ZFHX3: variants seen among roughly 807,000 people sequenced by gnomAD.
ZFHX3 encodes zinc finger homeobox 3, also known as zinc finger homeobox protein 3.
A neutral mutation model predicts 279.1 loss-of-function variants in ZFHX3; 42 were observed. The observed-to-expected ratio is 0.15, with a 90% confidence interval of 0.12 to 0.19. ZFHX3 has a LOEUF of 0.19. Among genes scored for constraint, ZFHX3 ranks in the 10% least tolerant of loss-of-function variants. The pLI, the probability that ZFHX3 is intolerant of heterozygous loss-of-function variation, is 1.00. For synonymous variants in ZFHX3, 2,293 were observed against 1,957.8 expected (o/e 1.17, Z -4.52); for missense variants, 4,981 against 4,754.0 (o/e 1.05, Z -1.40).
chr16:73,234,801 G>T (rs1225048596), intron 5 of ZFHX3, among the ~76,000 whole-genome samples: 1 of 152,226 alleles, frequency 6.6e-6, no homozygotes, highest in East Asian at 1.9e-4. Flanking sequence ...GTTGGGGTAG[G>T]AAGTGTCTTC....
chr16:73,381,158 C>T (rs979573115), intron 3 of ZFHX3, among the ~76,000 whole-genome samples: 4 of 152,002 alleles, frequency 2.6e-5, no homozygotes, highest in African/African-American at 9.7e-5. Flanking sequence ...TATTGAAAGA[C>T]CCCCCAAACA....
At chr16:73,602,819 C>A (rs977381124) in intron 2 of ZFHX3, among the ~76,000 whole-genome samples, 6 of 147,622 alleles carry the variant, frequency 4.1e-5, no homozygotes, top group Admixed American at 2.7e-4. Flanking sequence ...TGGTAGCGGG[C>A]ACCTGTAATC....
intron 5 of ZFHX3, among the ~76,000 whole-genome samples, chr16:73,236,149 G>A (rs779488162): frequency 1.3e-5 from 2 of 152,130 alleles, no homozygotes; most frequent in African/African-American, 4.8e-5. Context: ...GCAAGGACAC[G>A]GCATACGTCA....
chr16:72,881,760 G>A (rs1024308921), intron 4 of ZFHX3, among the ~76,000 whole-genome samples: 16 of 152,006 alleles, frequency 1.1e-4, no homozygotes, highest in East Asian at 7.7e-4. Context: ...CTACACTGTC[G>A]GCTTTAGGAG....
chr16:73,847,533 T>C (rs1324472758), intron 1 of ZFHX3, among the ~76,000 whole-genome samples: 3 of 152,144 alleles, frequency 2.0e-5, no homozygotes. Flanking sequence ...GCGTCAATTA[T>C]AATAACTAGA....
chr16:73,420,833 A>T (rs1046199993), intron 3 of ZFHX3: 1 of 152,154 alleles, frequency 6.6e-6, no homozygotes, highest in African/African-American at 2.4e-5. Flanking sequence ...GTTGTCTATG[A>T]CTCAAATTAC....
At chr16:73,394,946 C>A (rs1278677704) in intron 3 of ZFHX3, among the ~76,000 whole-genome samples, 1 of 152,196 alleles carries the variant, frequency 6.6e-6, no homozygotes, top group Non-Finnish European at 1.5e-5. Flanking sequence ...AAAGCCAGGA[C>A]TTGAACCCAG....
In ZFHX3 at chr16:72,793,229, A is replaced by C; in HGVS notation, c.9427+26T>G. 1.9e-6 allele frequency: 3 copies of C among 1,578,800 alleles called. No individual in the cohort carries two copies. Among genetic ancestry groups the C allele is most frequent in the South Asian group, 1.2e-5 (1 of 84,650 alleles). The stretch of plus-strand genomic sequence containing the variant: ...CTGACTGGGCAGCTATTTAGCCCTG[A>C]AACAATCGCCTAGAGCAGAACCCAC... On this transcript the variant is annotated intron_variant, in intron 9 of 9. Transcript: ENST00000268489. The surrounding 1 kb of genome is among the most constrained non-coding windows in gnomAD (Gnocchi z 4.3).
At chr16:73,674,983 A>G (rs1216496640) in intron 2 of ZFHX3, among the ~76,000 whole-genome samples, 1 of 152,134 alleles carries the variant, frequency 6.6e-6, no homozygotes, top group African/African-American at 2.4e-5. Context: ...ATAAGCTGCT[A>G]CATTTGGTGG....
At chr16:73,391,294 G>A (rs550193807) in intron 3 of ZFHX3, among the ~76,000 whole-genome samples, 32 of 152,094 alleles carry the variant, frequency 2.1e-4, no homozygotes, top group Non-Finnish European at 1.0e-4. Context: ...GAAACCCCGT[G>A]TCTACTAAAA....
chr16:73,110,517 A>G (rs1230822742), intron 7 of ZFHX3, among the ~76,000 whole-genome samples: 1 of 152,060 alleles, frequency 6.6e-6, no homozygotes, highest in Non-Finnish European at 1.5e-5. Context: ...TACAAAAAAC[A>G]CTCCTAAAAT....
At chr16:73,830,791 GA>G (rs756328047) in intron 1 of ZFHX3, among the ~76,000 whole-genome samples, 1 of 152,116 alleles carries the variant, frequency 6.6e-6, no homozygotes, top group Non-Finnish European at 1.5e-5. Context: ...CCAAATCCTG[GA>G]TGCCAAATTT....
intron 1 of ZFHX3, among the ~76,000 whole-genome samples, chr16:72,981,645 T>C (rs1458471430): frequency 6.6e-6 from 1 of 152,124 alleles, no homozygotes; most frequent in African/African-American, 2.4e-5. Flanking sequence ...AACGGCCCAG[T>C]GGTAAGTGGG....
At chr16:73,506,638 C>G (rs779131751) in intron 2 of ZFHX3, among the ~76,000 whole-genome samples, 1 of 152,154 alleles carries the variant, frequency 6.6e-6, no homozygotes, top group African/African-American at 2.4e-5. Flanking sequence ...CTTAGTTAAG[C>G]CTTCACCACA....
intron 5 of ZFHX3, among the ~76,000 whole-genome samples, chr16:73,180,924 AAGTGCTGGGATTACAGG>A (rs1205794685): frequency 2.0e-5 from 3 of 152,230 alleles, no homozygotes; most frequent in Admixed American, 6.5e-5. Context: ...TGGCCGCCCA[AAGTGCTGGGATTACAGG>A]CGTGAGCCAC....
In ZFHX3 at chr16:73,483,305, G is replaced by T. The variant is rs2018905372; in HGVS notation, c.-1546-27047C>A. 1.0e-4 allele frequency: 45 copies of T among 446,562 alleles called. 1 individual carries two copies. The highest frequency in any genetic ancestry group is 6.3e-4 in the South Asian group (40 of 63,642). The allele number at this position is 446,562 out of a possible 1,614,324, so 27.7% of individuals were successfully genotyped here. A position where few individuals can be genotyped will look rare whatever the true frequency, so the allele number is the denominator to read the frequency against. On this transcript the variant is annotated intron_variant, in intron 2 of 17. Transcript: ENST00000641206. ...ACACGTGCACGGAGCCTCCGAGAGAGAGCGAGAGACCAAGAGCGAGCGAGT... is the reference window on the plus strand; with the variant it reads ...ACACGTGCACGGAGCCTCCGAGAGATAGCGAGAGACCAAGAGCGAGCGAGT...
intron 8 of ZFHX3, among the ~76,000 whole-genome samples, chr16:73,074,527 A>G (rs1372690598): frequency 2.0e-5 from 3 of 152,228 alleles, no homozygotes; most frequent in South Asian, 2.1e-4. Context: ...AACGCCCACC[A>G]TGCTAATTGG....
rs1435419315 is a variant in ZFHX3 at position 73,803,545 on chromosome 16, GAAGT to G, written c.-1608+88102_-1608+88105del. 3.9e-5 allele frequency among the ~76,000 whole-genome samples: 6 copies of G among 152,300 alleles called. No individual in the cohort carries two copies. The East Asian group carries it at 1.2e-3, about 29-fold the overall frequency. On this transcript the variant is annotated intron_variant, in intron 1 of 17. Transcript: ENST00000641206. ...TTATGAGAGCCTATTGAACAGAACA[GAAGT>G]AAAAGCACAAATATATAATAAAATA...
rs144561160 is a variant in ZFHX3, at chr16:73,382,725, C to T, written c.-1290-64389G>A. ...CCGCTATGGAATCTAGGCCAAGTGT[C>T]CTTGAGCTGACTCCTTGATCCTTTC... is the stretch of plus-strand genomic sequence containing the variant. On this transcript the variant is annotated intron_variant, in intron 3 of 17. Transcript: ENST00000641206. 5.4e-4 allele frequency among the ~76,000 whole-genome samples: 82 copies of T among 152,286 alleles called. 1 individual carries two copies. The highest frequency in any genetic ancestry group is 1.9e-3 in the African/African-American group (80 of 41,560).
Sources: gnomAD v4.1 joint callset for allele counts (sites outside exome capture counted in the v4.1 genomes callset) on GRCh38, gnomAD v4.1.1 for gene constraint, Gnocchi (gnomAD v3.1) non-coding constraint, MANE v1.5 for transcripts, NCBI Gene and HGNC (gene_info 2026-07-23, HGNC 2026-07-21) for gene names.